NEGR1: variants seen among roughly 807,000 people sequenced by gnomAD.
The protein encoded by NEGR1 is IgLON family member 4.
A neutral mutation model predicts 40.9 loss-of-function variants in NEGR1; 10 were observed. The ratio of observed to expected loss-of-function variants is 0.24; its 90% CI spans 0.15 to 0.42. NEGR1 has a LOEUF of 0.42. Ranked by LOEUF, NEGR1 falls within the 10% of genes least tolerant of loss-of-function variation. The pLI is 1.00. For synonymous variants in NEGR1, 185 were observed against 166.8 expected, an observed-to-expected ratio of 1.11 and a Z score of -0.84; for missense variants, 352 against 438.9, an observed-to-expected ratio of 0.80 and a Z score of 1.77.
intron 2 of NEGR1, chr1:71,798,355 A>ACAT (rs1300189987): frequency 6.6e-6 from 1 of 152,180 alleles, no homozygotes; most frequent in Non-Finnish European, 1.5e-5. Flanking sequence ...CAGAGGTTAA[A>ACAT]CATAAAAAAA....
At position 71,478,180 on chromosome 1, in the gene NEGR1, G is replaced by C. The variant is rs1646833827; in HGVS notation, c.941-70610C>G. Among the ~76,000 whole-genome samples the C allele has an allele frequency of 2.6e-5, 4 of 152,014 alleles. No individual in the cohort carries two copies. In the South Asian group the frequency reaches 8.3e-4, roughly 31 times the overall value. The stretch of plus-strand genomic sequence containing the variant: ...TATTAAAAGACACAGTTACTGGTGT[G>C]TCTGTGTACACATGTGTATCGAATA... On this transcript the variant is annotated intron_variant, in intron 6 of 6. Transcript: ENST00000357731.
chr1:71,929,665 G>A (rs1645836037), intron 2 of NEGR1, among the ~76,000 whole-genome samples: 1 of 150,266 alleles, frequency 6.7e-6, no homozygotes, highest in South Asian at 2.1e-4. Flanking sequence ...AATTTTCACT[G>A]TTGCAGCACA....
intron 6 of NEGR1, among the ~76,000 whole-genome samples, chr1:71,497,038 G>T (rs922777481): frequency 2.6e-5 from 4 of 152,106 alleles, no homozygotes; most frequent in Admixed American, 6.6e-5. Context: ...GCAAAGCGTG[G>T]TGTGTCCGAT....
chr1:71,818,478 T>C (rs903056677), intron 2 of NEGR1, among the ~76,000 whole-genome samples: 2 of 151,742 alleles, frequency 1.3e-5, no homozygotes, highest in Admixed American at 1.3e-4. Flanking sequence ...GGGAGCTAAA[T>C]GATAAGAACA....
At chr1:71,982,841 G>A (rs926314426) in intron 1 of NEGR1, among the ~76,000 whole-genome samples, 2 of 152,214 alleles carry the variant, frequency 1.3e-5, no homozygotes, top group East Asian at 3.9e-4. Context: ...CTATTTCGAA[G>A]AGGAGAAATA....
At chr1:71,448,571 C>G (rs1646600367) in intron 6 of NEGR1, among the ~76,000 whole-genome samples, 1 of 152,064 alleles carries the variant, frequency 6.6e-6, no homozygotes, top group African/African-American at 2.4e-5. Flanking sequence ...TGCACTCCAG[C>G]CTGGGCGAGA....
intron 3 of NEGR1, among the ~76,000 whole-genome samples, chr1:71,739,205 A>C (rs1245050224): frequency 6.6e-6 from 1 of 150,604 alleles, no homozygotes; most frequent in Admixed American, 6.6e-5. Context: ...GGCAGAAAAA[A>C]AAAAAAAAAA....
intron 1 of NEGR1, among the ~76,000 whole-genome samples, chr1:72,088,823 T>G (rs1648337382): frequency 1.5e-5 from 1 of 67,614 alleles, no homozygotes; most frequent in African/African-American, 5.3e-5. Context: ...TTTTTTTTTT[T>G]GAGACGGAAT....
chr1:72,197,782 T>C (rs1653052305), intron 1 of NEGR1, among the ~76,000 whole-genome samples: 1 of 152,014 alleles, frequency 6.6e-6, no homozygotes. Flanking sequence ...TTAAAATATA[T>C]TGCCAAAAAA....
At chr1:71,720,675 G>C (rs1467852512) in intron 3 of NEGR1, among the ~76,000 whole-genome samples, 1 of 151,870 alleles carries the variant, frequency 6.6e-6, no homozygotes, top group African/African-American at 2.4e-5. Flanking sequence ...TTTTTTCTTT[G>C]ATAAATTTGT....
At chr1:71,654,012 T>C (rs1025770068) in intron 4 of NEGR1, among the ~76,000 whole-genome samples, 1 of 152,026 alleles carries the variant, frequency 6.6e-6, no homozygotes, top group African/African-American at 2.4e-5. Flanking sequence ...TATTCAAACT[T>C]AAAAGAGATG....
chr1:72,207,405 A>G (rs761058613), intron 1 of NEGR1, among the ~76,000 whole-genome samples: 2 of 151,810 alleles, frequency 1.3e-5, no homozygotes, highest in Non-Finnish European at 2.9e-5. Context: ...TTCTAATTAA[A>G]ATAAAAAATG....
chr1:71,526,409 A>G (rs1647217897), intron 6 of NEGR1, among the ~76,000 whole-genome samples: 1 of 151,574 alleles, frequency 6.6e-6, no homozygotes, highest in Admixed American at 6.6e-5. Flanking sequence ...CAGTATACAC[A>G]GTAATAGTAT....
At chr1:71,749,028 T>A (rs1342220975) in intron 3 of NEGR1, among the ~76,000 whole-genome samples, 1 of 152,190 alleles carries the variant, frequency 6.6e-6, no homozygotes, top group Non-Finnish European at 1.5e-5. Flanking sequence ...CATTGAGAAC[T>A]TGTTAACTTA....
intron 6 of NEGR1, among the ~76,000 whole-genome samples, chr1:71,476,282 T>G (rs1646819727): frequency 6.6e-6 from 1 of 152,124 alleles, no homozygotes; most frequent in Admixed American, 6.6e-5. Context: ...TTTCTTGACT[T>G]GCATCTTTCC....
intron 4 of NEGR1, among the ~76,000 whole-genome samples, chr1:71,671,893 C>CTTTTT (rs10708807): frequency 5.8e-5 from 7 of 121,580 alleles, no homozygotes; most frequent in Non-Finnish European, 8.7e-5. Flanking sequence ...CTCTCTCTCT[C>CTTTTT]TTTTTTTTTT....
At chr1:71,559,019 G>GTGTGTGTGTATA (rs377263417) in intron 6 of NEGR1, among the ~76,000 whole-genome samples, 2 of 114,050 alleles carry the variant, frequency 1.8e-5, no homozygotes, top group African/African-American at 6.1e-5. Flanking sequence ...CTGTGTGTGT[G>GTGTGTGTGTATA]TATATATATA....
intron 6 of NEGR1, among the ~76,000 whole-genome samples, chr1:71,510,347 C>G (rs1480480148): frequency 6.6e-6 from 1 of 151,972 alleles, no homozygotes; most frequent in African/African-American, 2.4e-5. Context: ...TAGAGTGATT[C>G]AAGAATCAAA....
intron 1 of NEGR1, among the ~76,000 whole-genome samples, chr1:72,257,254 G>A (rs1416001038): frequency 1.4e-5 from 2 of 147,056 alleles, no homozygotes; most frequent in African/African-American, 5.1e-5. Flanking sequence ...CCCGGGAGGC[G>A]GAGCTTGCAG....
Sources: gnomAD v4.1 joint callset for allele counts (sites outside exome capture counted in the v4.1 genomes callset) on GRCh38, gnomAD v4.1.1 for gene constraint, MANE v1.5 for transcripts, NCBI Gene and HGNC (gene_info 2026-07-23, HGNC 2026-07-21) for gene names.